Variants in TMEM232 observed in about 807,000 individuals in gnomAD.
The protein encoded by TMEM232 is transmembrane protein 232.
A neutral mutation model predicts 78.8 loss-of-function variants in TMEM232; 80 were observed. The ratio of observed to expected loss-of-function variants is 1.01; its 90% confidence interval spans 0.85 to 1.22. The LOEUF is 1.22. Ranked by LOEUF, TMEM232 falls within the 50% of genes most tolerant of loss-of-function variation. TMEM232 has a pLI of 0.00. For missense variants in TMEM232, 881 were observed against 742.2 expected (o/e 1.19, Z -2.17); for synonymous variants, 297 against 254.3 (o/e 1.17, Z -1.60).
At chr5:110,621,659 C>A (rs1359503532) in intron 7 of TMEM232, among the ~76,000 whole-genome samples, 1 of 151,886 alleles carries the variant, frequency 6.6e-6, no homozygotes, top group East Asian at 1.9e-4. Flanking sequence ...TAAATGACAC[C>A]CAGAGAACTT....
chr5:110,450,755 G>T (rs1042684628), intron 12 of TMEM232, among the ~76,000 whole-genome samples: 1 of 152,156 alleles, frequency 6.6e-6, no homozygotes, highest in African/African-American at 2.4e-5. Flanking sequence ...TTGGGGCAGA[G>T]ATTGCAATGA....
chr5:110,495,344 CTGATT>C (rs1250749180), intron 12 of TMEM232, among the ~76,000 whole-genome samples: 19 of 151,784 alleles, frequency 1.3e-4, no homozygotes, highest in African/African-American at 4.6e-4. Context: ...TCCAGGGTGT[CTGATT>C]TAATTGGACT....
intron 12 of TMEM232, among the ~76,000 whole-genome samples, chr5:110,516,921 A>T (rs1235102954): frequency 6.6e-6 from 1 of 152,080 alleles, no homozygotes; most frequent in African/African-American, 2.4e-5. Context: ...TTTCTAGAAA[A>T]TTTTCAGATT....
intron 12 of TMEM232, among the ~76,000 whole-genome samples, chr5:110,438,310 T>G (rs562625251): frequency 6.6e-6 from 1 of 151,834 alleles, no homozygotes; most frequent in South Asian, 2.1e-4. Context: ...AGGTTTGGGC[T>G]GTGTCTGCTC....
intron 4 of TMEM232, among the ~76,000 whole-genome samples, chr5:110,639,936 C>T (rs1316872312): frequency 1.3e-5 from 2 of 152,170 alleles, no homozygotes; most frequent in South Asian, 2.1e-4. Flanking sequence ...GCCTGTTGTG[C>T]GGCCCAATTC....
exon 1 of TMEM232, chr5:110,738,055 C>A: frequency 3.6e-6 from 1 of 278,506 alleles, no homozygotes; most frequent in African/African-American, 2.3e-5. Context: ...TCAATCAAAA[C>A]AAAGTTGATT....
chr5:110,527,807 A>T (rs1770812420), intron 12 of TMEM232, among the ~76,000 whole-genome samples: 1 of 151,996 alleles, frequency 6.6e-6, no homozygotes, highest in African/African-American at 2.4e-5. Flanking sequence ...CTTTATAGTA[A>T]ATGTATTAAA....
chr5:110,587,474 G>A (rs1778951752), intron 10 of TMEM232, among the ~76,000 whole-genome samples: 1 of 151,872 alleles, frequency 6.6e-6, no homozygotes, highest in African/African-American at 2.4e-5. Context: ...ACTAAGTTAT[G>A]TTAGTTTGTT....
At chr5:110,433,098 T>C (rs920851269) in intron 12 of TMEM232, among the ~76,000 whole-genome samples, 1 of 151,628 alleles carries the variant, frequency 6.6e-6, no homozygotes, top group African/African-American at 2.4e-5. Context: ...ACTAAGAAAT[T>C]ATAAATTTAA....
chr5:110,536,064 C>A (rs996250949), intron 11 of TMEM232, among the ~76,000 whole-genome samples: 2 of 152,200 alleles, frequency 1.3e-5, no homozygotes, highest in Non-Finnish European at 2.9e-5. Context: ...ATTTATTATT[C>A]TCCTTTCCCC....
At chr5:110,466,677 A>T (rs1762109727) in intron 12 of TMEM232, among the ~76,000 whole-genome samples, 1 of 151,520 alleles carries the variant, frequency 6.6e-6, no homozygotes, top group African/African-American at 2.4e-5. Context: ...CAGTGGCGCA[A>T]TCTCGGCTCA....
chr5:110,635,030 C>T (rs1346526164), intron 5 of TMEM232, among the ~76,000 whole-genome samples: 2 of 151,766 alleles, frequency 1.3e-5, no homozygotes, highest in Non-Finnish European at 2.9e-5. Context: ...CACAGAAGTA[C>T]AAAAGATCAT....
chr5:110,417,774 TC>T (rs1390493859), downstream of TMEM232: 1 of 152,094 alleles, frequency 6.6e-6, no homozygotes, highest in East Asian at 1.9e-4. Flanking sequence ...GTCTTTCATC[TC>T]CAAGTCCACC....
At chr5:110,614,124 G>T (rs1157139086) in intron 8 of TMEM232, among the ~76,000 whole-genome samples, 1 of 151,956 alleles carries the variant, frequency 6.6e-6, no homozygotes, top group Non-Finnish European at 1.5e-5. Flanking sequence ...TTTCTATTAT[G>T]AGCAGTCATT....
chr5:110,684,924 G>A (rs1793205716), intron 1 of TMEM232: 1 of 151,904 alleles, frequency 6.6e-6, no homozygotes, highest in Non-Finnish European at 1.5e-5. Context: ...AGCACCAGGA[G>A]GCCAACAATT....
intron 1 of TMEM232, among the ~76,000 whole-genome samples, chr5:110,698,237 G>A (rs892149973): frequency 6.6e-6 from 1 of 151,806 alleles, no homozygotes; most frequent in African/African-American, 2.4e-5. Context: ...ATGGAACAAT[G>A]AGAACACATG....
intron 12 of TMEM232, among the ~76,000 whole-genome samples, chr5:110,504,150 T>C (rs920020291): frequency 6.6e-6 from 1 of 152,148 alleles, no homozygotes; most frequent in African/African-American, 2.4e-5. Flanking sequence ...AGTATACTTT[T>C]AATTAATTAC....
intron 12 of TMEM232, among the ~76,000 whole-genome samples, chr5:110,468,728 C>A (rs1233366411): frequency 6.6e-6 from 1 of 151,944 alleles, no homozygotes; most frequent in Non-Finnish European, 1.5e-5. Context: ...TGCTCAAATC[C>A]CAGATCCTTT....
At chr5:110,578,980 T>C (rs1581278007) in intron 10 of TMEM232, among the ~76,000 whole-genome samples, 1 of 151,420 alleles carries the variant, frequency 6.6e-6, no homozygotes, top group South Asian at 2.1e-4. Context: ...GGAAGAAAAA[T>C]GTACATCCAG....
Sources: gnomAD v4.1 joint callset for allele counts (sites outside exome capture counted in the v4.1 genomes callset) on GRCh38, gnomAD v4.1.1 for gene constraint, MANE v1.5 for transcripts, NCBI Gene and HGNC (gene_info 2026-07-23, HGNC 2026-07-21) for gene names.